Variants in ZNF48 observed in about 807,000 individuals in gnomAD.
The protein encoded by ZNF48 is zinc finger protein 553.
Under a neutral mutation model 40.0 loss-of-function variants are expected in ZNF48, and 20 were observed. That is an observed-to-expected ratio of 0.50 (90% confidence interval 0.35 to 0.73). The LOEUF (loss-of-function observed/expected upper bound fraction) is 0.73, where lower values mean the gene tolerates loss of function less well. Among genes scored for constraint, ZNF48 ranks in the 30% least tolerant of loss-of-function variants. The pLI, the probability that ZNF48 is intolerant of heterozygous loss-of-function variation, is 0.01. For missense variants in ZNF48, 726 were observed against 851.9 expected (o/e 0.85, Z 1.84); for synonymous variants, 298 against 329.7 (o/e 0.90, Z 1.04).
In ZNF48 at chr16:30,398,316, G is replaced by C. The variant is rs766339635; in HGVS notation, c.1066G>C (p.Glu356Gln). 6 of 1,613,406 alleles carry C rather than the reference G, an allele frequency of 3.7e-6. No individual in the cohort carries two copies. In the East Asian group the frequency reaches 1.1e-4, roughly 30 times the overall value. ...CAAACACCTCCGCACCCACAGTGGC[G>C]AGAGGCCCCATGCCTGCCCGGAATG... Reference protein sequence around the residue: ...RVKHLRTHSGERPHACPECDR... With the variant: ...RVKHLRTHSGQRPHACPECDR... Residue 356 changes from glutamate (E) to glutamine (Q), a missense_variant, in exon 3 of 3, where the codon GAG becomes CAG. By Grantham distance (29) the Glu-to-Gln change is conservative (BLOSUM62 2). Around this residue, in one of 5 missense-constraint regions of ZNF48, gnomAD observed 378 missense variants for 449.1 expected, o/e 0.84. Coordinates refer to ENST00000613509, the MANE Select transcript of ZNF48 (RefSeq NM_001214909.2). This position sits in a 1 kb window ranked among gnomAD's most constrained non-coding sequence, Gnocchi z 6.6.
In ZNF48 at chr16:30,381,577, C is replaced by A; in HGVS notation, c.-16+3167C>A. ...TAGAATGTCATTTCTTTGGCTCCCT[C>A]CAAAGACATTAAGGGGAACTGGTGG... is the stretch of plus-strand genomic sequence containing the variant. On this transcript the variant is annotated intron_variant, in intron 1 of 2. Coordinates refer to the ZNF48 transcript ENST00000528032. This position sits in a 1 kb window ranked among gnomAD's most constrained non-coding sequence, Gnocchi z 4.3. 1 of 1,514,988 alleles carries A rather than the reference C, an allele frequency of 6.6e-7. No homozygotes were observed. Among genetic ancestry groups the A allele is most frequent in the East Asian group, 2.3e-5 (1 of 44,346 alleles). The allele number at this position is 1,514,988 out of a possible 1,614,324, so 93.8% of individuals were successfully genotyped here.
At position 30,398,911 on chromosome 16, in the gene ZNF48, G is replaced by A. The variant is rs1294222443; in HGVS notation, c.1661G>A (p.Arg554Gln). The A allele has an allele frequency of 3.7e-6, 6 of 1,613,646 alleles. No individual in the cohort carries two copies. The highest frequency in any genetic ancestry group is 2.2e-5 in the East Asian group (1 of 44,888). ...VCGFCGKEFP[R>Q]SSDLVKHRRT... is the part of the protein sequence containing the mutation. ...GGCTTCTGTGGGAAGGAGTTCCCCC[G>A]GAGCTCAGATCTGGTCAAACACAGG... Residue 554 changes from arginine to glutamine, a missense_variant, in exon 3 of 3, where the codon CGG (arginine) becomes CAG (glutamine). Arg to Gln is a conservative substitution (Grantham distance 43, BLOSUM62 1). Transcript: ENST00000613509. The surrounding 1 kb of genome is among the most constrained non-coding windows in gnomAD (Gnocchi z 6.6).
At chr16:30,385,863 C>G (rs912681595) in intron 1 of ZNF48, among the ~76,000 whole-genome samples, 1 of 151,660 alleles carries the variant, frequency 6.6e-6, no homozygotes, top group Non-Finnish European at 1.5e-5. Flanking sequence ...TGGTGGTTCA[C>G]GCCTGTAATC....
intron 1 of ZNF48, chr16:30,378,713 G>A (rs2049789603): frequency 6.2e-7 from 1 of 1,604,258 alleles, no homozygotes; most frequent in African/African-American, 1.3e-5. Flanking sequence ...GCGGGACAGT[G>A]GGAAGGGGAC....
chr16:30,393,447 T>C (rs571127247), upstream of ZNF48, among the ~76,000 whole-genome samples: 6 of 147,966 alleles, frequency 4.1e-5, no homozygotes, highest in East Asian at 1.2e-3. Context: ...TGCAGTGGCG[T>C]GATCTCGGCT....
chr16:30,396,470 A>C (rs1305101672), intron 2 of ZNF48, among the ~76,000 whole-genome samples: 2 of 152,026 alleles, frequency 1.3e-5, no homozygotes, highest in East Asian at 1.9e-4. Context: ...CTTTAATCTT[A>C]TCTCTCCTAC....
chr16:30,395,042 GTCTCCGCCGCCCTTTGTCTGCCTTGGTC>G (rs1307782740), upstream of ZNF48: 2 of 278,352 alleles, frequency 7.2e-6, no homozygotes, highest in East Asian at 2.6e-4. This position sits in a 1 kb window ranked among gnomAD's most constrained non-coding sequence, Gnocchi z 5.9. Flanking sequence ...CCCGTCTGGG[GTCTCCGCCGCCCTTTGTCTGCCTTGGTC>G]TCTCCCCCAC....
intron 1 of ZNF48, chr16:30,378,991 T>G (rs1186594904): frequency 1.2e-6 from 2 of 1,605,768 alleles, no homozygotes; most frequent in East Asian, 2.2e-5. Flanking sequence ...CCTTGGAGGC[T>G]CTGATACTGT....
Position 30,382,709 on chromosome 16 carries a change from C to T in ZNF48, c.-16+4299C>T, listed in dbSNP as rs1301773736. 5.9e-6 allele frequency: 9 copies of T among 1,534,486 alleles called. No homozygotes were observed. Among genetic ancestry groups the T allele is most frequent in the East Asian group, 4.9e-5 (2 of 40,906 alleles). ...ACTTGGGGTTGCCACCTCCTGGACC[C>T]CTTTGCCCATCACCTGTCTACGTAC... On this transcript the variant is annotated intron_variant, in intron 1 of 2. Coordinates refer to the ZNF48 transcript ENST00000528032. This position sits in a 1 kb window ranked among gnomAD's most constrained non-coding sequence, Gnocchi z 4.8.
At chr16:30,391,253 G>C (rs1166934628), upstream of ZNF48, among the ~76,000 whole-genome samples, 1 of 152,092 alleles carries the variant, frequency 6.6e-6, no homozygotes, top group East Asian at 1.9e-4. Context: ...GGAGTGCAGT[G>C]ATCTCTGCTC....
intron 1 of ZNF48, among the ~76,000 whole-genome samples, chr16:30,388,761 C>T (rs1186976134): frequency 6.6e-6 from 1 of 151,014 alleles, no homozygotes; most frequent in East Asian, 1.9e-4. Context: ...GGGCGTGGTG[C>T]CGCACACCAG....
rs2151112176 is a variant in ZNF48, at chr16:30,382,489, G to A, written c.-16+4079G>A. 1 of 1,593,132 alleles carries A rather than the reference G, an allele frequency of 6.3e-7. No homozygotes were observed. Among genetic ancestry groups the A allele is most frequent in the Non-Finnish European group, 8.6e-7 (1 of 1,166,854 alleles). ...GGGACCCCAGGCATGGGGGCTGGGGGCCGAGATGCCCAGGTTTCTGGGTGT... is the reference window on the plus strand; with the variant it reads ...GGGACCCCAGGCATGGGGGCTGGGGACCGAGATGCCCAGGTTTCTGGGTGT... On this transcript the variant is annotated intron_variant, in intron 1 of 2. Coordinates refer to the ZNF48 transcript ENST00000528032. The surrounding 1 kb of genome is among the most constrained non-coding windows in gnomAD (Gnocchi z 4.8).
chr16:30,399,112 G>C lies in ZNF48; in HGVS notation c.*5G>C. On this transcript the variant is annotated 3_prime_UTR_variant, in exon 3 of 3. Transcript: ENST00000613509. Reference sequence around the variant, plus strand: ...GCAGCAACAGGACTGGAATGACGCGGTCCAGGGAGGGCGGAGGCCCAGGAG... The same window carrying C: ...GCAGCAACAGGACTGGAATGACGCGCTCCAGGGAGGGCGGAGGCCCAGGAG... 1.3e-6 allele frequency: 2 copies of C among 1,563,234 alleles called. No homozygotes were observed. The highest frequency in any genetic ancestry group is 8.7e-7 in the Non-Finnish European group (1 of 1,153,696).
At chr16:30,390,699 C>T (rs2049936274), upstream of ZNF48, among the ~76,000 whole-genome samples, 1 of 138,774 alleles carries the variant, frequency 7.2e-6, no homozygotes, top group African/African-American at 2.7e-5. Context: ...CGGCTCACTG[C>T]AAGCTCCGCC....
chr16:30,379,238 A>C (rs62055458), intron 1 of ZNF48: 21 of 1,599,218 alleles, frequency 1.3e-5, no homozygotes, highest in Middle Eastern at 1.7e-4. Context: ...GGTCCAACCC[A>C]CCCGTAAGGG....
chr16:30,395,206 G>A (rs1031278649), upstream of ZNF48: 1 of 456,002 alleles, frequency 2.2e-6, no homozygotes, highest in Non-Finnish European at 4.4e-6. The surrounding 1 kb of genome is among the most constrained non-coding windows in gnomAD (Gnocchi z 5.9). Context: ...CAATTACGAA[G>A]AGCCTCGGGC....
intron 1 of ZNF48, among the ~76,000 whole-genome samples, chr16:30,386,891 C>T (rs1435940332): frequency 6.7e-6 from 1 of 149,964 alleles, no homozygotes; most frequent in Non-Finnish European, 1.5e-5. Context: ...CTTGAACTTC[C>T]GGCATCCCAA....
chr16:30,387,547 C>A (rs1446761232), intron 1 of ZNF48, among the ~76,000 whole-genome samples: 1 of 149,236 alleles, frequency 6.7e-6, no homozygotes, highest in African/African-American at 2.5e-5. Flanking sequence ...AAGAGTGAGA[C>A]TTCCTCTCCA....
At chr16:30,379,853 C>T (rs527798008) in intron 1 of ZNF48, 47 of 787,636 alleles carry the variant, frequency 6.0e-5, no homozygotes, top group East Asian at 2.5e-4. Context: ...GGGATCCTCC[C>T]GTCTCAGCCT....
Sources: allele counts gnomAD v4.1 joint callset (sites outside exome capture counted in the v4.1 genomes callset), GRCh38; gene constraint gnomAD v4.1.1; regional missense constraint gnomAD v4.1.1; non-coding constraint Gnocchi (gnomAD v3.1); transcripts MANE v1.5; gene names NCBI Gene and HGNC (gene_info 2026-07-23, HGNC 2026-07-21).